Variants in NPAT observed in about 807,000 individuals in gnomAD.
NPAT encodes protein NPAT.
In NPAT, 52 loss-of-function variants were observed where a neutral mutation model predicts 130.7. The observed-to-expected ratio is 0.40, with a 90% confidence interval of 0.32 to 0.50. The LOEUF is 0.50. Ranked by LOEUF, NPAT falls within the 20% of genes least tolerant of loss-of-function variation. NPAT has a pLI of 0.68. For synonymous variants in NPAT, 580 were observed against 584.8 expected, an observed-to-expected ratio of 0.99 and a Z score of 0.12; for missense variants, 1,687 against 1,662.6, an observed-to-expected ratio of 1.01 and a Z score of -0.26.
chr11:108,197,431 A>G lies in NPAT; in HGVS notation c.38-11T>C, dbSNP rs1375279336. ...CTTGCTGTAAGTAACCTAAATAAAA[A>G]ATAAAAGTTTAGGTACTTATACTAA... On this transcript the variant is annotated splice_polypyrimidine_tract_variant and intron_variant, in intron 1 of 17. Transcript: ENST00000278612. 1.3e-6 allele frequency: 2 copies of G among 1,538,246 alleles called. No homozygotes were observed. Among genetic ancestry groups the G allele is most frequent in the Non-Finnish European group, 9.0e-7 (1 of 1,111,204 alleles).
intron 1 of NPAT, among the ~76,000 whole-genome samples, chr11:108,205,939 G>T (rs1043224692): frequency 6.6e-6 from 1 of 152,138 alleles, no homozygotes; most frequent in Non-Finnish European, 1.5e-5. Flanking sequence ...CAGCTACTTG[G>T]GAAGCTGAGA....
At chr11:108,221,118 G>C (rs1327502850) in intron 1 of NPAT, among the ~76,000 whole-genome samples, 1 of 152,158 alleles carries the variant, frequency 6.6e-6, no homozygotes, top group Non-Finnish European at 1.5e-5. Context: ...TTCTTAACTA[G>C]GGGTGATTCT....
intron 1 of NPAT, among the ~76,000 whole-genome samples, chr11:108,204,308 T>C (rs1183730324): frequency 6.6e-6 from 1 of 152,090 alleles, no homozygotes; most frequent in Non-Finnish European, 1.5e-5. Flanking sequence ...GCCAATCCAA[T>C]GCCCGCCCAC....
intron 1 of NPAT, among the ~76,000 whole-genome samples, chr11:108,218,977 T>C (rs1040586691): frequency 1.3e-5 from 2 of 152,250 alleles, no homozygotes; most frequent in Admixed American, 6.5e-5. Context: ...ATCTATGTTT[T>C]GGTGATATAA....
At chr11:108,210,724 C>T (rs1439188562) in intron 1 of NPAT, among the ~76,000 whole-genome samples, 1 of 152,206 alleles carries the variant, frequency 6.6e-6, no homozygotes, top group African/African-American at 2.4e-5. Context: ...AATAAAGAAA[C>T]CTCTCACGAG....
chr11:108,210,541 T>C (rs754080032), intron 1 of NPAT, among the ~76,000 whole-genome samples: 15 of 152,196 alleles, frequency 9.9e-5, no homozygotes, highest in Admixed American at 3.3e-4. Context: ...CCATGCTTCC[T>C]GCAAAACCTA....
Position 108,222,563 on chromosome 11 carries a change from T to A in NPAT, c.-27A>T. 1 of 1,613,296 alleles carries A rather than the reference T, an allele frequency of 6.2e-7. No homozygotes were observed. The highest frequency in any genetic ancestry group is 8.5e-7 in the Non-Finnish European group (1 of 1,179,592). ...ATCAAAACCACAGCAGGAACCACAA[T>A]AAGGAACAAGACTCAGGTTAAAGCA... On this transcript the variant is annotated 5_prime_UTR_variant, in exon 1 of 18. Transcript: ENST00000278612.
intron 15 of NPAT, among the ~76,000 whole-genome samples, chr11:108,166,356 C>A (rs1186060874): frequency 6.6e-6 from 1 of 152,040 alleles, no homozygotes; most frequent in Non-Finnish European, 1.5e-5. Context: ...CATGCCACTG[C>A]ATTCCAGTCT....
chr11:108,198,061 C>A (rs2078240842), intron 1 of NPAT, among the ~76,000 whole-genome samples: 1 of 152,174 alleles, frequency 6.6e-6, no homozygotes, highest in Admixed American at 6.5e-5. Flanking sequence ...ACCCCCTTGG[C>A]AAACAATGGG....
chr11:108,169,949 G>C lies in NPAT; in HGVS notation c.2880C>G (p.Asn960Lys), dbSNP rs749086655. The C allele has an allele frequency of 1.2e-6, 2 of 1,613,756 alleles. No individual in the cohort carries two copies. The highest frequency in any genetic ancestry group is 1.7e-6 in the Non-Finnish European group (2 of 1,179,710). Residue 960 changes from asparagine (N) to lysine (K), a missense_variant, in exon 14 of 18, where the codon AAC becomes AAG. This residue lies in a region of NPAT where 1,379 missense variants were observed against 1,346.6 expected (regional missense o/e 1.02). Coordinates refer to ENST00000278612, the MANE Select transcript of NPAT (RefSeq NM_002519.3). ...TTACCTGCCGAGGAGGAGTAGAAAA[G>C]TTATTTCCATTCTGTCCAACCACAG... ...PVSVVGQNGN[N>K]FSTPPRQVLH...
chr11:108,195,687 G>A (rs2078213000), intron 2 of NPAT, among the ~76,000 whole-genome samples: 1 of 151,890 alleles, frequency 6.6e-6, no homozygotes, highest in Non-Finnish European at 1.5e-5. Flanking sequence ...AAGTGCAGCC[G>A]TGCAGTTGTG....
Position 108,161,307 on chromosome 11 carries a change from G to C in NPAT, c.3779C>G (p.Ala1260Gly), listed in dbSNP as rs2134818247. The change falls in exon 17 of 18, where the codon GCT becomes GGT. Residue 1260 changes from alanine (A) to glycine (G), a missense_variant. Ala to Gly is a moderately conservative substitution (Grantham distance 60). Around this residue, in one of 3 missense-constraint regions of NPAT, gnomAD observed 1,379 missense variants for 1,346.6 expected, o/e 1.02. Coordinates refer to ENST00000278612, the MANE Select transcript of NPAT (RefSeq NM_002519.3). ...IQRHSSVSRL[A>G]DSSDLPVPRT... ...GGGCACAGGTAAATCACTACTATCA[G>C]CAAGCCTACTTACTGAGCTGTGCCT... 6.2e-7 allele frequency: 1 copy of C among 1,614,144 alleles called. No individual in the cohort carries two copies. The highest frequency in any genetic ancestry group is 1.7e-5 in the Admixed American group (1 of 60,022).
chr11:108,163,634 G>T (rs1461506554), intron 15 of NPAT, among the ~76,000 whole-genome samples: 1 of 152,172 alleles, frequency 6.6e-6, no homozygotes, highest in Non-Finnish European at 1.5e-5. Flanking sequence ...AAGTCTTTGA[G>T]GAAGAGAGGT....
chr11:108,213,521 CAA>C (rs1177978959), intron 1 of NPAT, among the ~76,000 whole-genome samples: 2 of 152,290 alleles, frequency 1.3e-5, no homozygotes, highest in East Asian at 1.9e-4. Flanking sequence ...TAAATCCACG[CAA>C]AGACATACTG....
intron 7 of NPAT, among the ~76,000 whole-genome samples, chr11:108,187,082 G>C (rs142824362): frequency 5.5e-4 from 83 of 152,216 alleles, no homozygotes; most frequent in African/African-American, 1.9e-3. Context: ...GTTTACTAAA[G>C]AATGGAATGA....
In NPAT at chr11:108,189,272, T is replaced by C; in HGVS notation, c.390A>G (p.Thr130=). ...IKRQRKLASQ[T]APASAELLTL... ...TGAGCAACTCTGCACTGGCTGGAGC[T>C]GTTTGAGATGCAAGCTTTCTCTGCC... is the stretch of plus-strand genomic sequence containing the variant. Residue 130 remains threonine, a synonymous_variant, in exon 6 of 18, where the codon ACA becomes ACG. Transcript: ENST00000278612. The C allele has an allele frequency of 1.2e-6, 2 of 1,614,182 alleles. No individual in the cohort carries two copies. Among genetic ancestry groups the C allele is most frequent in the Non-Finnish European group, 1.7e-6 (2 of 1,180,034 alleles).
chr11:108,172,111 T>C (rs2077957023), intron 13 of NPAT, 88 bp downstream of exon 13: 2 of 1,105,770 alleles, frequency 1.8e-6, no homozygotes, highest in Non-Finnish European at 2.8e-6. Flanking sequence ...TACTCATTAG[T>C]TATTACTTCG....
At chr11:108,191,091 T>C (rs964762946) in intron 4 of NPAT, among the ~76,000 whole-genome samples, 1 of 152,122 alleles carries the variant, frequency 6.6e-6, no homozygotes, top group Admixed American at 6.5e-5. Flanking sequence ...CAGAAGATAA[T>C]TTAACTTTAG....
rs906030893 is a variant in NPAT at position 108,185,278 on chromosome 11, T to C, written c.860A>G (p.Asn287Ser). The change falls in exon 10 of 18, where the codon AAC (asparagine) becomes AGC (serine). Residue 287 changes from asparagine to serine, a missense_variant. Coordinates refer to ENST00000278612, the MANE Select transcript of NPAT (RefSeq NM_002519.3). ...IAQVPKQTDN[N>S]PTEPETSIDE... is the part of the protein sequence containing the mutation. The stretch of plus-strand genomic sequence containing the variant: ...AATTGAAGTCTCTGGCTCCGTAGGG[T>C]TGTTATCTGTTTGCTTAGGTACTTG... 6.2e-7 allele frequency: 1 copy of C among 1,612,306 alleles called. No individual in the cohort carries two copies. Among genetic ancestry groups the C allele is most frequent in the Non-Finnish European group, 8.5e-7 (1 of 1,178,990 alleles).
Sources: gnomAD v4.1 joint callset for allele counts (sites outside exome capture counted in the v4.1 genomes callset) on GRCh38, gnomAD v4.1.1 for gene constraint, gnomAD v4.1.1 regional missense constraint, MANE v1.5 for transcripts, NCBI Gene and HGNC (gene_info 2026-07-23, HGNC 2026-07-21) for gene names.